Variants in C1orf21 observed in about 807,000 individuals in gnomAD.
C1orf21 encodes the protein chromosome 1 open reading frame 21, also known as uncharacterized protein C1orf21.
C1orf21 carries 3 observed loss-of-function variants against 18.7 expected under a neutral mutation model. The observed-to-expected ratio is 0.16, with a 90% CI of 0.07 to 0.42. The LOEUF is 0.42. Among genes scored for constraint, C1orf21 ranks in the 10% least tolerant of loss-of-function variants. C1orf21 has a pLI of 0.99. For missense variants in C1orf21, 104 were observed against 143.6 expected, an observed-to-expected ratio of 0.72 and a Z score of 1.41; for synonymous variants, 41 against 46.4, an observed-to-expected ratio of 0.88 and a Z score of 0.47.
chr1:184,586,789 A>T (rs1387793300), intron 3 of C1orf21, among the ~76,000 whole-genome samples: 1 of 152,066 alleles, frequency 6.6e-6, no homozygotes, highest in Admixed American at 6.6e-5. Flanking sequence ...TAGTTTAATT[A>T]AATCCCATTT....
chr1:184,479,920 G>A (rs1657629713), intron 2 of C1orf21, among the ~76,000 whole-genome samples: 1 of 152,088 alleles, frequency 6.6e-6, no homozygotes, highest in African/African-American at 2.4e-5. Flanking sequence ...ACCACACCCG[G>A]CCCTCATTCT....
At chr1:184,565,719 G>A (rs981123737) in intron 3 of C1orf21, among the ~76,000 whole-genome samples, 1 of 152,190 alleles carries the variant, frequency 6.6e-6, no homozygotes, top group African/African-American at 2.4e-5. Flanking sequence ...GCATGTAAAA[G>A]GCCCTGCATG....
At chr1:184,545,622 T>C (rs1179343024) in intron 3 of C1orf21, among the ~76,000 whole-genome samples, 1 of 152,096 alleles carries the variant, frequency 6.6e-6, no homozygotes, top group African/African-American at 2.4e-5. Flanking sequence ...ACTCCTATGC[T>C]CGCCTCAGAT....
intron 1 of C1orf21, among the ~76,000 whole-genome samples, chr1:184,398,472 T>A (rs915272977): frequency 1.3e-5 from 2 of 152,234 alleles, no homozygotes. Flanking sequence ...CACTCCTTTC[T>A]TCTCATTTAC....
At chr1:184,554,637 G>A (rs1048578952) in intron 3 of C1orf21, among the ~76,000 whole-genome samples, 2 of 152,126 alleles carry the variant, frequency 1.3e-5, no homozygotes, top group Non-Finnish European at 2.9e-5. Flanking sequence ...GGCTTATAGT[G>A]CCTCATTCAT....
intron 3 of C1orf21, among the ~76,000 whole-genome samples, chr1:184,579,413 G>C (rs1354162230): frequency 8.0e-6 from 1 of 125,004 alleles, no homozygotes; most frequent in East Asian, 2.2e-4. Flanking sequence ...TTTTTGAGAC[G>C]AGGTCTCACC....
chr1:184,473,442 C>T (rs1296784900), intron 1 of C1orf21, among the ~76,000 whole-genome samples: 1 of 150,852 alleles, frequency 6.6e-6, no homozygotes, highest in Non-Finnish European at 1.5e-5. Flanking sequence ...AAAAGCTGAG[C>T]AAAGCGAATG....
intron 1 of C1orf21, 113 bp from the exon 2 acceptor site, chr1:184,477,271 TGG>T (rs1294117416): frequency 9.7e-6 from 4 of 414,100 alleles, no homozygotes; most frequent in South Asian, 4.1e-5. Flanking sequence ...ACCAGTGCGA[TGG>T]GTGGGTCTGT....
chr1:184,455,924 A>G (rs1209256595), intron 1 of C1orf21, among the ~76,000 whole-genome samples: 1 of 152,186 alleles, frequency 6.6e-6, no homozygotes, highest in Non-Finnish European at 1.5e-5. Flanking sequence ...ACGTTAAATT[A>G]TTTTGAGCCC....
At chr1:184,600,434 T>C (rs1217567110) in intron 5 of C1orf21, among the ~76,000 whole-genome samples, 2 of 152,186 alleles carry the variant, frequency 1.3e-5, no homozygotes, top group Non-Finnish European at 2.9e-5. Context: ...CCCAAAGTGC[T>C]GGGATTATGG....
At chr1:184,585,591 G>A (rs980520374) in intron 3 of C1orf21, among the ~76,000 whole-genome samples, 2 of 152,210 alleles carry the variant, frequency 1.3e-5, no homozygotes, top group Non-Finnish European at 1.5e-5. Flanking sequence ...ATACCCATCA[G>A]TTATTTTTCC....
chr1:184,546,798 T>C (rs1658734451), intron 3 of C1orf21, among the ~76,000 whole-genome samples: 1 of 152,176 alleles, frequency 6.6e-6, no homozygotes, highest in Non-Finnish European at 1.5e-5. Flanking sequence ...CAGTGGAGTC[T>C]TTTCCAGTTC....
chr1:184,524,793 A>G (rs770460036), intron 3 of C1orf21, among the ~76,000 whole-genome samples: 34 of 152,136 alleles, frequency 2.2e-4, no homozygotes, highest in Non-Finnish European at 4.1e-4. Flanking sequence ...AATGATGTGG[A>G]CTAGGAACAT....
Position 184,622,617 on chromosome 1 carries a change from C to T in C1orf21, c.*3061C>T, listed in dbSNP as rs1272025344. ...AGTGGTGTTGTGGTCTATTTAGGGACAAAGAAGGTATAAAGTCCAGAGATG... is the reference window on the plus strand; with the variant it reads ...AGTGGTGTTGTGGTCTATTTAGGGATAAAGAAGGTATAAAGTCCAGAGATG... On this transcript the variant is annotated 3_prime_UTR_variant, in exon 6 of 6. Transcript: ENST00000235307. The T allele has an allele frequency of 6.6e-6, 1 of 152,662 alleles. No individual in the cohort carries two copies. Among genetic ancestry groups the T allele is most frequent in the Non-Finnish European group, 1.5e-5 (1 of 68,086 alleles). 9.5% of individuals were successfully genotyped at this position (152,662 alleles called of 1,614,324 possible).
chr1:184,486,323 G>C (rs1186950326), intron 2 of C1orf21, among the ~76,000 whole-genome samples: 2 of 152,224 alleles, frequency 1.3e-5, no homozygotes, highest in Non-Finnish European at 2.9e-5. Context: ...GCTGGGGTTT[G>C]ATTCCAGTGT....
chr1:184,540,257 ATTG>A (rs1482679574), intron 3 of C1orf21, among the ~76,000 whole-genome samples: 4 of 152,180 alleles, frequency 2.6e-5, no homozygotes, highest in African/African-American at 9.6e-5. Flanking sequence ...TTTAGTTGTT[ATTG>A]TTCTTTCATG....
In C1orf21 at chr1:184,628,257, C is replaced by G. The variant is rs544609732; in HGVS notation, c.*8701C>G. On this transcript the variant is annotated 3_prime_UTR_variant, in exon 6 of 6. Coordinates refer to ENST00000235307, the MANE Select transcript of C1orf21 (RefSeq NM_030806.4). ...GCAAAAACTTCGTGAGATGCACTCT[C>G]TCTGTGTGTTTATTAATTTATTTAA... 3.9e-5 allele frequency: 6 copies of G among 152,222 alleles called. No homozygotes were observed. Among genetic ancestry groups the G allele is most frequent in the Non-Finnish European group, 7.3e-5 (5 of 68,048 alleles). The allele number at this position is 152,222 out of a possible 1,614,324, so 9.4% of individuals were successfully genotyped here. A position where few individuals can be genotyped will look rare whatever the true frequency, so the allele number is the denominator to read the frequency against.
chr1:184,552,488 C>T (rs917453013), intron 3 of C1orf21, among the ~76,000 whole-genome samples: 1 of 152,146 alleles, frequency 6.6e-6, no homozygotes, highest in Admixed American at 6.5e-5. Flanking sequence ...TAAATAGCCA[C>T]AACCTTTCTG....
At chr1:184,524,978 C>T (rs1658357469) in intron 3 of C1orf21, among the ~76,000 whole-genome samples, 1 of 151,926 alleles carries the variant, frequency 6.6e-6, no homozygotes, top group African/African-American at 2.4e-5. Context: ...ATTGAGATTA[C>T]CTCTTAAAAT....
Sources: allele counts gnomAD v4.1 joint callset (sites outside exome capture counted in the v4.1 genomes callset), GRCh38; gene constraint gnomAD v4.1.1; transcripts MANE v1.5; gene names NCBI Gene and HGNC (gene_info 2026-07-23, HGNC 2026-07-21).